Variants in EXTL3 observed in about 807,000 individuals in gnomAD.
The protein encoded by EXTL3 is exostosin-like 3.
Under a neutral mutation model 69.3 loss-of-function variants are expected in EXTL3, and 27 were observed. The observed-to-expected ratio is 0.39, with a 90% CI of 0.29 to 0.54. The LOEUF (loss-of-function observed/expected upper bound fraction) is 0.54, where lower values mean the gene tolerates loss of function less well. Among genes scored for constraint, EXTL3 ranks in the 20% least tolerant of loss-of-function variants. EXTL3 has a pLI of 0.69. For synonymous variants in EXTL3, 511 were observed against 499.4 expected, an observed-to-expected ratio of 1.02 and a Z score of -0.31; for missense variants, 1,003 against 1,231.8, an observed-to-expected ratio of 0.81 and a Z score of 2.78.
intron 1 of EXTL3, among the ~76,000 whole-genome samples, chr8:28,677,010 A>G (rs1235674977): frequency 1.3e-5 from 2 of 152,132 alleles, no homozygotes; most frequent in East Asian, 3.9e-4. Context: ...AGAGAAGGGA[A>G]GAGAGTGAGC....
At chr8:28,747,728 C>CTTTTTTT (rs71549697) in intron 6 of EXTL3, among the ~76,000 whole-genome samples, 174 of 124,674 alleles carry the variant, frequency 1.4e-3, no homozygotes, top group Non-Finnish European at 2.2e-3. Flanking sequence ...TTTTCTTTTT[C>CTTTTTTT]TTTTTTTTTT....
chr8:28,678,877 G>C (rs1313389802), intron 1 of EXTL3, among the ~76,000 whole-genome samples: 2 of 152,160 alleles, frequency 1.3e-5, no homozygotes, highest in Non-Finnish European at 2.9e-5. Flanking sequence ...AACTAAGGAT[G>C]GGCTGCCCTC....
intron 1 of EXTL3, among the ~76,000 whole-genome samples, chr8:28,664,365 C>G (rs1807161609): frequency 6.8e-6 from 1 of 148,116 alleles, no homozygotes; most frequent in African/African-American, 2.6e-5. Context: ...CAGAATCTTT[C>G]TTTCCATCTT....
chr8:28,714,565 A>G (rs966690715), intron 2 of EXTL3, among the ~76,000 whole-genome samples: 1 of 152,194 alleles, frequency 6.6e-6, no homozygotes, highest in African/African-American at 2.4e-5. Context: ...TCCCACAGTT[A>G]TACTTAGCAT....
rs549538507 is a variant in EXTL3, at chr8:28,671,578, G to C, written c.-52-41879G>C. 1.1e-4 allele frequency among the ~76,000 whole-genome samples: 17 copies of C among 151,386 alleles called. No homozygotes were observed. In the South Asian group the frequency reaches 3.6e-3, roughly 32 times the overall value. On this transcript the variant is annotated intron_variant, in intron 1 of 6. Coordinates refer to the EXTL3 transcript ENST00000523149. ...TGGTCTTGAACTCCTGACCTCAGGT[G>C]GTCACCTGCTTTCGCCTCCCAAAGT...
At chr8:28,684,469 A>G (rs1396741486) in intron 1 of EXTL3, among the ~76,000 whole-genome samples, 2 of 152,086 alleles carry the variant, frequency 1.3e-5, no homozygotes, top group Admixed American at 6.6e-5. Flanking sequence ...GGCACGATGC[A>G]TGATGGCTCA....
At chr8:28,746,735 G>A (rs1801896135) in intron 6 of EXTL3, among the ~76,000 whole-genome samples, 1 of 152,282 alleles carries the variant, frequency 6.6e-6, no homozygotes, top group Non-Finnish European at 1.5e-5. Flanking sequence ...GAGTGCAGTG[G>A]TGCAATCTCG....
chr8:28,688,084 G>A (rs1800555293), intron 1 of EXTL3, among the ~76,000 whole-genome samples: 2 of 142,330 alleles, frequency 1.4e-5, no homozygotes, highest in Non-Finnish European at 3.0e-5. Context: ...TTTTTGAGAC[G>A]GAGTTTCGCT....
intron 1 of EXTL3, among the ~76,000 whole-genome samples, chr8:28,663,904 C>T (rs1352324608): frequency 6.6e-6 from 1 of 152,202 alleles, no homozygotes; most frequent in Non-Finnish European, 1.5e-5. Flanking sequence ...TTGCTGGCGG[C>T]AGGCTAAATT....
At chr8:28,744,337 C>T (rs1317109904) in intron 6 of EXTL3, among the ~76,000 whole-genome samples, 22 of 152,126 alleles carry the variant, frequency 1.4e-4, no homozygotes, top group Non-Finnish European at 5.9e-5. Flanking sequence ...ATAGGTTTAC[C>T]TTCATGGGTG....
intron 1 of EXTL3, among the ~76,000 whole-genome samples, chr8:28,654,154 A>G (rs1806969585): frequency 6.6e-6 from 1 of 152,236 alleles, no homozygotes; most frequent in Non-Finnish European, 1.5e-5. Context: ...CTAGAATATA[A>G]GAGGGTCTTT....
intron 1 of EXTL3, among the ~76,000 whole-genome samples, chr8:28,656,915 ACTCT>A (rs1013556734): frequency 8.3e-6 from 1 of 120,050 alleles, no homozygotes. Flanking sequence ...CTTTCTTCAC[ACTCT>A]CTCTCTCTCT....
intron 3 of EXTL3, among the ~76,000 whole-genome samples, chr8:28,725,358 A>G (rs564306418): frequency 2.6e-5 from 4 of 152,274 alleles, no homozygotes; most frequent in South Asian, 4.1e-4. Context: ...AGACAGGCCA[A>G]GCAAAGAGTG....
intron 4 of EXTL3, among the ~76,000 whole-genome samples, chr8:28,736,293 C>T (rs1293864978): frequency 6.6e-6 from 1 of 152,138 alleles, no homozygotes; most frequent in Non-Finnish European, 1.5e-5. Context: ...GAGAGGAACT[C>T]TGTTGAAATA....
At chr8:28,662,491 G>A (rs1423235419) in intron 1 of EXTL3, among the ~76,000 whole-genome samples, 2 of 152,188 alleles carry the variant, frequency 1.3e-5, no homozygotes, top group Admixed American at 6.5e-5. Flanking sequence ...TTAGATTTAA[G>A]TTAGAAATAT....
chr8:28,734,160 A>G (rs1186735715), intron 4 of EXTL3, among the ~76,000 whole-genome samples: 1 of 152,142 alleles, frequency 6.6e-6, no homozygotes, highest in African/African-American at 2.4e-5. Context: ...TTCTTTATAT[A>G]TTCTAGATGC....
Position 28,750,352 on chromosome 8 carries a change from T to C in EXTL3, c.2551-305T>C, listed in dbSNP as rs564755770. ...AAACAAACAACTCGGTACCTACCTA[T>C]GGCTCTGCAACCAAGTACATACTAG... On this transcript the variant is annotated intron_variant, in intron 6 of 6. Transcript: ENST00000220562. This position sits in a 1 kb window ranked among gnomAD's most constrained non-coding sequence, Gnocchi z 5.2. Among the ~76,000 whole-genome samples the C allele has an allele frequency of 2.0e-5, 3 of 152,324 alleles. No homozygotes were observed. In the South Asian group the frequency reaches 6.2e-4, roughly 32 times the overall value.
intron 1 of EXTL3, among the ~76,000 whole-genome samples, chr8:28,652,362 A>T (rs1333329151): frequency 2.7e-5 from 4 of 150,816 alleles, no homozygotes; most frequent in South Asian, 2.1e-4. Context: ...ATTTTCCTTT[A>T]AAAAAAAATT....
chr8:28,622,485 G>A (rs1407907514), upstream of EXTL3, among the ~76,000 whole-genome samples: 1 of 152,080 alleles, frequency 6.6e-6, no homozygotes, highest in Non-Finnish European at 1.5e-5. Context: ...CTGCGGGGCC[G>A]CGAGAAGGCG....
Sources: gnomAD v4.1 joint callset for allele counts (sites outside exome capture counted in the v4.1 genomes callset) on GRCh38, gnomAD v4.1.1 for gene constraint, Gnocchi (gnomAD v3.1) non-coding constraint, MANE v1.5 for transcripts, NCBI Gene and HGNC (gene_info 2026-07-23, HGNC 2026-07-21) for gene names.